CHD8: variants seen among roughly 807,000 people sequenced by gnomAD.
The protein encoded by CHD8 is chromodomain helicase DNA binding protein 8.
In CHD8, 31 loss-of-function variants were observed where a neutral mutation model predicts 279.2. That is an observed-to-expected ratio of 0.11 (90% confidence interval 0.08 to 0.15). CHD8 has a LOEUF of 0.15. CHD8 is among the 10% of genes least tolerant of loss of function. The probability of loss-of-function intolerance (pLI) is 1.00; values close to 1 mark genes in which losing one functional copy is unlikely to be tolerated. For synonymous variants in CHD8, 1,081 were observed against 1,139.6 expected (o/e 0.95, Z 1.04); for missense variants, 2,146 against 3,230.5 (o/e 0.66, Z 8.14).
chr14:21,428,427 GA>G (rs1889420815), intron 3 of CHD8, among the ~76,000 whole-genome samples, 173 bp from the exon 4 acceptor site: 3 of 152,164 alleles, frequency 2.0e-5, no homozygotes, highest in Admixed American at 2.0e-4. Context: ...CTTTTGGTGG[GA>G]AAGGGGTGAG....
chr14:21,414,427 G>A lies in CHD8; in HGVS notation c.2025-9C>T. Reference sequence around the variant, plus strand: ...CACAATGCAGATAGGAGCTAAGGGGGATGGAAAAATCCAGTCATGGTGCAA... The same window carrying A: ...CACAATGCAGATAGGAGCTAAGGGGAATGGAAAAATCCAGTCATGGTGCAA... On this transcript the variant is annotated splice_polypyrimidine_tract_variant and intron_variant, in intron 8 of 37. Transcript: ENST00000646647. 1 of 1,411,686 alleles carries A rather than the reference G, an allele frequency of 7.1e-7. No individual in the cohort carries two copies. The highest frequency in any genetic ancestry group is 9.8e-7 in the Non-Finnish European group (1 of 1,018,758). The allele number at this position is 1,411,686 out of a possible 1,614,324, so 87.4% of individuals were successfully genotyped here.
intron 1 of CHD8, among the ~76,000 whole-genome samples, chr14:21,452,130 T>A (rs1890271178): frequency 6.6e-6 from 1 of 152,080 alleles, no homozygotes; most frequent in Non-Finnish European, 1.5e-5. Context: ...CATCTCCGCC[T>A]CCCTGGTTCA....
At chr14:21,441,693 C>T (rs899963489) in intron 1 of CHD8, among the ~76,000 whole-genome samples, 4 of 151,898 alleles carry the variant, frequency 2.6e-5, no homozygotes, top group East Asian at 1.9e-4. Flanking sequence ...TGGAGACCAT[C>T]CTGGCTAACA....
chr14:21,417,993 A>G (rs1273388370), intron 5 of CHD8, among the ~76,000 whole-genome samples: 1 of 151,564 alleles, frequency 6.6e-6, no homozygotes, highest in Non-Finnish European at 1.5e-5. Context: ...CTGGTGAAGT[A>G]TAAAATAACA....
At chr14:21,409,583 G>T (rs890478615) in intron 11 of CHD8, among the ~76,000 whole-genome samples, 2 of 152,068 alleles carry the variant, frequency 1.3e-5, no homozygotes, top group African/African-American at 4.8e-5. Context: ...CAAAAACACT[G>T]TAATATTTAC....
intron 2 of CHD8, 171 bp from the exon 3 acceptor site, chr14:21,429,506 T>C: frequency 1.2e-6 from 1 of 805,096 alleles, no homozygotes; most frequent in Non-Finnish European, 2.2e-6. Context: ...TTTTTGTTAT[T>C]TTTAGACAGG....
chr14:21,417,882 A>ATATATATAAT (rs1433796563), intron 5 of CHD8, among the ~76,000 whole-genome samples: 7 of 138,878 alleles, frequency 5.0e-5, no homozygotes, highest in African/African-American at 1.9e-4. Flanking sequence ...ATATATATAT[A>ATATATATAAT]ATATATATAT....
chr14:21,387,189 A>G (rs376779844), intron 37 of CHD8, among the ~76,000 whole-genome samples: 2 of 152,186 alleles, frequency 1.3e-5, no homozygotes, highest in Admixed American at 6.5e-5. Flanking sequence ...TGTCAATTCT[A>G]TATTAAGAAT....
At position 21,391,837 on chromosome 14, in the gene CHD8, A is replaced by G. The variant is rs376813786; in HGVS notation, c.6881T>C (p.Val2294Ala). ...HKKKGNRKKLVELEVECMEEP... is the reference protein window; with the variant it reads ...HKKKGNRKKLAELEVECMEEP... ...AAGACTTTCTCTACCACTCACCTCTACTAGCTTCTTTCTGTTCCCCTTCTT... is the reference window on the plus strand; with the variant it reads ...AAGACTTTCTCTACCACTCACCTCTGCTAGCTTCTTTCTGTTCCCCTTCTT... Residue 2294 changes from valine (V) to alanine (A), a missense_variant, in exon 35 of 38, where the codon GTA becomes GCA. By Grantham distance (64) the Val-to-Ala change is moderately conservative. Around this residue, in one of 26 missense-constraint regions of CHD8, gnomAD observed 336 missense variants for 392.9 expected, o/e 0.86. Transcript: ENST00000646647. 1.4e-5 allele frequency: 23 copies of G among 1,606,326 alleles called. No individual in the cohort carries two copies. The highest frequency in any genetic ancestry group is 1.7e-5 in the Non-Finnish European group (20 of 1,172,860).
rs1462738501 is a variant in CHD8 at position 21,394,324 on chromosome 14, A to C, written c.5552T>G (p.Val1851Gly). ...ESLTKYFHGF[V>G]AMCRQVCRLP... ...GCGGCATACTTGGCGGCACATGGCCACAAAGCCATGGAAGTACTTGGTAAG... is the reference window on the plus strand; with the variant it reads ...GCGGCATACTTGGCGGCACATGGCCCCAAAGCCATGGAAGTACTTGGTAAG... Residue 1851 changes from valine (V) to glycine (G), a missense_variant, in exon 31 of 38, where the codon GTG (valine) becomes GGG (glycine). Val to Gly is a moderately radical substitution (Grantham distance 109). This residue lies in a region of CHD8 where 513 missense variants were observed against 637.6 expected (regional missense o/e 0.80). Transcript: ENST00000646647. 5.6e-6 allele frequency: 9 copies of C among 1,613,902 alleles called. No individual in the cohort carries two copies. The highest frequency in any genetic ancestry group is 2.7e-5 in the African/African-American group (2 of 74,948).
Position 21,385,853 on chromosome 14 carries a change from G to A in CHD8, c.7506C>T (p.His2502=). The change falls in exon 38 of 38, where the codon CAC becomes CAT. Residue 2502 remains histidine (H), a synonymous_variant. Transcript: ENST00000646647. ...AGCCTGGATGGTGATGGTGGTGATG[G>A]TGGGGGTGGGGGTGGTGGTGGTGGT... is the stretch of plus-strand genomic sequence containing the variant. ...LHHHHHHPHP[H]HHHHHHPGLR... The A allele has an allele frequency of 3.9e-6, 6 of 1,545,578 alleles. No homozygotes were observed. Among genetic ancestry groups the A allele is most frequent in the Non-Finnish European group, 5.2e-6 (6 of 1,143,280 alleles).
At chr14:21,413,052 C>T in intron 9 of CHD8, 56 bp from the exon 10 acceptor site, 1 of 1,000,026 alleles carries the variant, frequency 1.0e-6, no homozygotes, top group Non-Finnish European at 1.6e-6. Context: ...CCAGTAAACC[C>T]ACTCCTCTAC....
chr14:21,430,040 A>T (rs1406867744), intron 2 of CHD8: 1 of 153,550 alleles, frequency 6.5e-6, no homozygotes. Flanking sequence ...AAACCTAATA[A>T]TACAAAATTC....
intron 1 of CHD8, among the ~76,000 whole-genome samples, chr14:21,454,224 G>T (rs924072748): frequency 4.4e-5 from 5 of 112,928 alleles, no homozygotes; most frequent in Non-Finnish European, 8.3e-5. Flanking sequence ...AAAGAAAACT[G>T]ACAAAACCAA....
chr14:21,443,778 C>T (rs963807741), intron 1 of CHD8, among the ~76,000 whole-genome samples: 1 of 151,042 alleles, frequency 6.6e-6, no homozygotes, highest in African/African-American at 2.4e-5. Context: ...ATGGCGTGAA[C>T]CCGGGAGGCG....
chr14:21,449,696 A>G (rs1372150822), intron 1 of CHD8, among the ~76,000 whole-genome samples: 1 of 152,234 alleles, frequency 6.6e-6, no homozygotes, highest in Non-Finnish European at 1.5e-5. Flanking sequence ...TTATGTTTGT[A>G]GGAATATGTC....
chr14:21,445,688 CAAAAAAAAAAA>C (rs747923350), intron 1 of CHD8, among the ~76,000 whole-genome samples: 8 of 17,266 alleles, frequency 4.6e-4, no homozygotes, highest in East Asian at 4.3e-3. Flanking sequence ...GATTCGGTCT[CAAAAAAAAAAA>C]AAAAAAAAAA....
rs1472392560 is a variant in CHD8 at position 21,456,083 on chromosome 14, C to A, written c.-267G>T. On this transcript the variant is annotated 5_prime_UTR_variant, in exon 1 of 38. Transcript: ENST00000646647. ...CAGGCAGCGTTTCAACTCACCCTCT[C>A]CGAGAACAAGGCGCCTTCCGGCGGA... 1.3e-5 allele frequency: 2 copies of A among 151,924 alleles called. No individual in the cohort carries two copies. Among genetic ancestry groups the A allele is most frequent in the Non-Finnish European group, 2.9e-5 (2 of 68,116 alleles). 9.4% of individuals were successfully genotyped at this position (151,924 alleles called of 1,614,324 possible).
chr14:21,391,213 TC>T, intron 36 of CHD8, 150 bp from the exon 37 acceptor site: 1 of 708,612 alleles, frequency 1.4e-6, no homozygotes, highest in Non-Finnish European at 2.3e-6. Context: ...GTGGGATCTC[TC>T]CAAAAAATAT....
Sources: gnomAD v4.1 joint callset for allele counts (sites outside exome capture counted in the v4.1 genomes callset) on GRCh38, gnomAD v4.1.1 for gene constraint, gnomAD v4.1.1 regional missense constraint, MANE v1.5 for transcripts, NCBI Gene and HGNC (gene_info 2026-07-23, HGNC 2026-07-21) for gene names.